GRM7: variants seen among roughly 807,000 people sequenced by gnomAD.
GRM7 encodes the protein glutamate metabotropic receptor 7, also known as metabotropic glutamate receptor 7.
In GRM7, 35 loss-of-function variants were observed where a neutral mutation model predicts 84.5. The observed-to-expected ratio is 0.41, with a 90% confidence interval of 0.32 to 0.55. GRM7 has a LOEUF of 0.55. Among genes scored for constraint, GRM7 ranks in the 20% least tolerant of loss-of-function variants. The pLI is 0.19. For synonymous variants in GRM7, 487 were observed against 455.1 expected (o/e 1.07, Z -0.89); for missense variants, 1,003 against 1,194.6 (o/e 0.84, Z 2.36).
At chr3:7,065,697 T>C (rs1697628875) in intron 1 of GRM7, among the ~76,000 whole-genome samples, 1 of 151,872 alleles carries the variant, frequency 6.6e-6, no homozygotes, top group Admixed American at 6.6e-5. Context: ...CCATATGAAT[T>C]TTAGAATTGT....
At chr3:7,186,228 G>A (rs761063606) in intron 2 of GRM7, among the ~76,000 whole-genome samples, 1 of 152,142 alleles carries the variant, frequency 6.6e-6, no homozygotes, top group Non-Finnish European at 1.5e-5. Flanking sequence ...CATATTTCAA[G>A]TTGCGTGTAT....
intron 2 of GRM7, among the ~76,000 whole-genome samples, chr3:7,286,907 C>G (rs1171146287): frequency 6.6e-6 from 1 of 152,050 alleles, no homozygotes; most frequent in Non-Finnish European, 1.5e-5. Flanking sequence ...TTTGCAAATC[C>G]TGTGGCAAAA....
chr3:6,871,600 T>C (rs553082336), intron 1 of GRM7, among the ~76,000 whole-genome samples: 1 of 151,986 alleles, frequency 6.6e-6, no homozygotes, highest in South Asian at 2.1e-4. Context: ...ATTAAACAGA[T>C]TTTGTGGCTT....
At chr3:7,370,732 C>A (rs1694096605) in intron 4 of GRM7, among the ~76,000 whole-genome samples, 1 of 152,082 alleles carries the variant, frequency 6.6e-6, no homozygotes, top group Non-Finnish European at 1.5e-5. Flanking sequence ...CAGACCTCAC[C>A]CTCCCTCATA....
chr3:6,871,097 G>C (rs978725290), intron 1 of GRM7, among the ~76,000 whole-genome samples: 2 of 152,120 alleles, frequency 1.3e-5, no homozygotes, highest in African/African-American at 4.8e-5. Context: ...AAATCCTGTA[G>C]TTTGTTTCTG....
intron 9 of GRM7, among the ~76,000 whole-genome samples, chr3:7,712,864 T>G (rs1209866680): frequency 6.6e-6 from 1 of 152,136 alleles, no homozygotes; most frequent in Non-Finnish European, 1.5e-5. Context: ...TCATGTTCTT[T>G]CAGCTTCTGG....
intron 4 of GRM7, among the ~76,000 whole-genome samples, chr3:7,364,460 T>C (rs948650901): frequency 6.6e-6 from 1 of 151,882 alleles, no homozygotes; most frequent in Non-Finnish European, 1.5e-5. Flanking sequence ...TGGTGAGTTT[T>C]ATTATGTTCT....
At chr3:7,022,476 ATC>A (rs1367948986) in intron 1 of GRM7, among the ~76,000 whole-genome samples, 1 of 151,786 alleles carries the variant, frequency 6.6e-6, no homozygotes, top group African/African-American at 2.4e-5. Flanking sequence ...AGTACTGACT[ATC>A]TCATAGGGTG....
chr3:6,962,100 A>C (rs1263203256), intron 1 of GRM7, among the ~76,000 whole-genome samples: 2 of 152,126 alleles, frequency 1.3e-5, no homozygotes, highest in African/African-American at 4.8e-5. Flanking sequence ...GTACGTCCTC[A>C]TTCATTACCT....
At chr3:7,153,289 C>A (rs572882810) in intron 2 of GRM7, among the ~76,000 whole-genome samples, 2 of 152,146 alleles carry the variant, frequency 1.3e-5, no homozygotes, top group East Asian at 3.9e-4. Context: ...ACAGAATTGA[C>A]TTCTGTTGTT....
At chr3:7,506,206 AG>A (rs886523516) in intron 7 of GRM7, among the ~76,000 whole-genome samples, 19 of 152,124 alleles carry the variant, frequency 1.2e-4, no homozygotes, top group African/African-American at 4.6e-4. Context: ...AAGGTGGAGG[AG>A]GGGGTCTTAA....
At chr3:7,214,724 G>C (rs1288674631) in intron 2 of GRM7, among the ~76,000 whole-genome samples, 1 of 152,164 alleles carries the variant, frequency 6.6e-6, no homozygotes, top group Non-Finnish European at 1.5e-5. Context: ...GGAAAATGCT[G>C]GCAGGTTTGA....
chr3:7,052,720 G>GTTTTTTTTTTT (rs372132445), intron 1 of GRM7, among the ~76,000 whole-genome samples: 42 of 101,496 alleles, frequency 4.1e-4, no homozygotes, highest in Middle Eastern at 6.3e-3. Context: ...AGTATCGGTA[G>GTTTTTTTTTTT]TTTTTTTTTT....
chr3:7,733,526 G>T (rs161886), intron 9 of GRM7, among the ~76,000 whole-genome samples: 44,523 of 152,022 alleles, frequency 0.29, 7,633 homozygotes, highest in East Asian at 0.63. Flanking sequence ...TGTGGGGTGG[G>T]TCAGATTTTC....
intron 1 of GRM7, among the ~76,000 whole-genome samples, chr3:7,005,267 G>A (rs168098): frequency 0.67 from 102,433 of 152,078 alleles, 36,318 homozygotes; most frequent in Non-Finnish European, 0.79. Context: ...TCTGCTCATA[G>A]CTGGATGTGG....
intron 5 of GRM7, among the ~76,000 whole-genome samples, chr3:7,436,203 G>C (rs533208887): frequency 6.6e-6 from 1 of 151,994 alleles, no homozygotes; most frequent in Admixed American, 6.6e-5. Flanking sequence ...TGTCTGTGTT[G>C]TTTTCTATTT....
intron 8 of GRM7, among the ~76,000 whole-genome samples, chr3:7,608,618 T>G (rs1394396630): frequency 2.6e-5 from 4 of 152,188 alleles, no homozygotes; most frequent in Admixed American, 1.3e-4. Context: ...ATATTAGACT[T>G]TTGTCACATT....
At chr3:7,693,619 T>C (rs1216539172) in intron 9 of GRM7, 21 of 1,498,684 alleles carry the variant, frequency 1.4e-5, no homozygotes, top group Non-Finnish European at 1.9e-5. Flanking sequence ...ACTTGAGCTG[T>C]TGTTTTTATT....
intron 2 of GRM7, among the ~76,000 whole-genome samples, chr3:7,212,884 G>A (rs186902671): frequency 3.0e-4 from 45 of 152,308 alleles, no homozygotes; most frequent in African/African-American, 9.6e-4. Flanking sequence ...CACTGCTCAT[G>A]TATGCCTGTG....
Sources: gnomAD v4.1 joint callset for allele counts (sites outside exome capture counted in the v4.1 genomes callset) on GRCh38, gnomAD v4.1.1 for gene constraint, MANE v1.5 for transcripts, NCBI Gene and HGNC (gene_info 2026-07-23, HGNC 2026-07-21) for gene names.